HBS1L: variants seen among roughly 807,000 people sequenced by gnomAD.
HBS1L encodes HBS1 like translational GTPase.
A neutral mutation model predicts 88.9 loss-of-function variants in HBS1L; 55 were observed. That is an observed-to-expected ratio of 0.62 (90% CI 0.50 to 0.77). The LOEUF (loss-of-function observed/expected upper bound fraction) is 0.77. Ranked by LOEUF, HBS1L falls within the 30% of genes least tolerant of loss-of-function variation. The pLI is 0.00. For missense variants in HBS1L, 741 were observed against 829.3 expected, an observed-to-expected ratio of 0.89 and a Z score of 1.31; for synonymous variants, 267 against 288.5, an observed-to-expected ratio of 0.93 and a Z score of 0.76.
intron 7 of HBS1L, among the ~76,000 whole-genome samples, chr6:134,995,762 A>C (rs1775271704): frequency 6.6e-6 from 1 of 152,020 alleles, no homozygotes; most frequent in Admixed American, 6.6e-5. Flanking sequence ...AAAATTGGCA[A>C]CTGTCCAGCT....
At chr6:134,973,839 A>G (rs1329840743) in intron 15 of HBS1L, among the ~76,000 whole-genome samples, 2 of 110,166 alleles carry the variant, frequency 1.8e-5, no homozygotes, top group Non-Finnish European at 3.9e-5. Flanking sequence ...CCATCTCAAG[A>G]AAAAAAAAAA....
At chr6:135,011,162 G>A (rs1775761916) in intron 4 of HBS1L, among the ~76,000 whole-genome samples, 1 of 152,060 alleles carries the variant, frequency 6.6e-6, no homozygotes, top group Non-Finnish European at 1.5e-5. Flanking sequence ...GTAAAGCAAA[G>A]AGAAAAACAT....
At chr6:134,966,146 T>G (rs1381282588) in intron 17 of HBS1L, among the ~76,000 whole-genome samples, 183 bp downstream of exon 17, 1 of 152,112 alleles carries the variant, frequency 6.6e-6, no homozygotes, top group Non-Finnish European at 1.5e-5. Flanking sequence ...ACTGAAGATT[T>G]TACCAATCTT....
intron 4 of HBS1L, among the ~76,000 whole-genome samples, chr6:135,015,882 C>A (rs1369489355): frequency 4.3e-5 from 5 of 116,966 alleles, no homozygotes; most frequent in African/African-American, 1.7e-4. Flanking sequence ...CGAGCCCAGC[C>A]TTTTTTTTTT....
chr6:134,996,977 C>T, intron 6 of HBS1L, 35 bp from the exon 7 acceptor site: 1 of 1,482,620 alleles, frequency 6.7e-7, no homozygotes, highest in Non-Finnish European at 9.1e-7. Context: ...ATACCAGGTA[C>T]ATTTCCAGAT....
intron 15 of HBS1L, among the ~76,000 whole-genome samples, chr6:134,975,792 T>C (rs747527467): frequency 2.6e-5 from 4 of 152,136 alleles, no homozygotes; most frequent in Non-Finnish European, 5.9e-5. Flanking sequence ...ATCTAGGAAC[T>C]GAAACCATGG....
At chr6:135,023,404 A>G (rs1218437202) in intron 4 of HBS1L, among the ~76,000 whole-genome samples, 2 of 152,138 alleles carry the variant, frequency 1.3e-5, no homozygotes, top group Non-Finnish European at 2.9e-5. Context: ...ATTTCGCGCC[A>G]CTGCACTCTA....
At position 134,964,995 on chromosome 6, in the gene HBS1L, A is replaced by C; in HGVS notation, c.*284T>G. 1 of 464,282 alleles carries C rather than the reference A, an allele frequency of 2.2e-6. No homozygotes were observed. The highest frequency in any genetic ancestry group is 3.8e-6 in the Non-Finnish European group (1 of 260,564). 28.8% of individuals were successfully genotyped at this position (464,282 alleles called of 1,614,324 possible). A position where few individuals can be genotyped will look rare whatever the true frequency, so the allele number is the denominator to read the frequency against. On this transcript the variant is annotated 3_prime_UTR_variant, in exon 18 of 18. Transcript: ENST00000367837. ...TCATGATGATTCAGTATCTTCAGAT[A>C]CTATTTTTGACACTTGCCATAAATC...
chr6:135,025,958 C>T (rs1443032075), intron 4 of HBS1L, among the ~76,000 whole-genome samples: 1 of 152,134 alleles, frequency 6.6e-6, no homozygotes, highest in African/African-American at 2.4e-5. Context: ...AAATAAAAGC[C>T]GCACTGGAGG....
In HBS1L at chr6:134,987,413, A is replaced by C. The variant is rs532315360; in HGVS notation, c.1230+232T>G. On this transcript the variant is annotated intron_variant, in intron 9 of 17. Transcript: ENST00000367837. ...CACTATAATAAACATGTATTATTTT[A>C]TAATTTAAAACAATTTTTAGGTTTT... Among the ~76,000 whole-genome samples the C allele has an allele frequency of 2.3e-3, 354 of 152,272 alleles. 2 individuals carry two copies. The highest frequency in any genetic ancestry group is 8.0e-3 in the African/African-American group (333 of 41,572).
At chr6:135,045,965 C>G (rs1031727894) in intron 2 of HBS1L, among the ~76,000 whole-genome samples, 4 of 152,184 alleles carry the variant, frequency 2.6e-5, no homozygotes, top group Non-Finnish European at 5.9e-5. Flanking sequence ...GATCAGTTAT[C>G]TGCACAAAAT....
At chr6:135,023,131 T>C (rs1400149889) in intron 4 of HBS1L, among the ~76,000 whole-genome samples, 1 of 151,762 alleles carries the variant, frequency 6.6e-6, no homozygotes, top group East Asian at 1.9e-4. Context: ...TACTGAAGAA[T>C]AGGGAACAAC....
chr6:134,979,009 GCTGA>G (rs1383188555), intron 14 of HBS1L, among the ~76,000 whole-genome samples, 165 bp downstream of exon 14: 1 of 152,052 alleles, frequency 6.6e-6, no homozygotes, highest in Non-Finnish European at 1.5e-5. Context: ...AAGTATGTGT[GCTGA>G]CATGTATTAA....
intron 15 of HBS1L, among the ~76,000 whole-genome samples, chr6:134,974,887 C>CACAG (rs1774598600): frequency 6.6e-6 from 1 of 152,130 alleles, no homozygotes; most frequent in Non-Finnish European, 1.5e-5. Flanking sequence ...TTCTATTAAA[C>CACAG]ACAGTACTGG....
chr6:134,988,318 G>A (rs777795832), intron 8 of HBS1L, among the ~76,000 whole-genome samples: 6 of 151,622 alleles, frequency 4.0e-5, no homozygotes, highest in Non-Finnish European at 7.4e-5. Flanking sequence ...AGTCGAGATC[G>A]CCCCACTACA....
Position 134,969,349 on chromosome 6 carries a change from A to C in HBS1L, c.1798-11T>G. The C allele has an allele frequency of 6.5e-7, 1 of 1,527,564 alleles. No individual in the cohort carries two copies. The highest frequency in any genetic ancestry group is 9.1e-7 in the Non-Finnish European group (1 of 1,101,534). 94.6% of individuals were successfully genotyped at this position (1,527,564 alleles called of 1,614,324 possible). On this transcript the variant is annotated splice_polypyrimidine_tract_variant and intron_variant, in intron 15 of 17. Transcript: ENST00000367837. Reference sequence around the variant, plus strand: ...GTAGTGTAACAGCACCTAAAACAAAAAATTATAACACTAAAAATCTGCTAC... The same window carrying C: ...GTAGTGTAACAGCACCTAAAACAAACAATTATAACACTAAAAATCTGCTAC...
chr6:135,043,535 A>T (rs1252424281), intron 2 of HBS1L, among the ~76,000 whole-genome samples: 3 of 152,244 alleles, frequency 2.0e-5, no homozygotes, highest in African/African-American at 7.2e-5. Context: ...TTAAAGCATA[A>T]CCACTCTCTA....
At chr6:134,986,946 C>T (rs1400548131) in intron 9 of HBS1L, 136 bp from the exon 10 acceptor site, 1 of 354,274 alleles carries the variant, frequency 2.8e-6, no homozygotes, top group African/African-American at 2.1e-5. Flanking sequence ...CATGGAATAT[C>T]AGACCTTGCT....
chr6:135,037,482 G>A, intron 4 of HBS1L: 1 of 1,548,960 alleles, frequency 6.5e-7, no homozygotes, highest in Non-Finnish European at 8.7e-7. Context: ...AGCTAGTTAA[G>A]TACAAAGGAT....
Sources: gnomAD v4.1 joint callset for allele counts (sites outside exome capture counted in the v4.1 genomes callset) on GRCh38, gnomAD v4.1.1 for gene constraint, MANE v1.5 for transcripts, NCBI Gene and HGNC (gene_info 2026-07-23, HGNC 2026-07-21) for gene names.